JAM3: variants seen among roughly 807,000 people sequenced by gnomAD.
The protein encoded by JAM3 is junctional adhesion molecule C.
JAM3 carries 31 observed loss-of-function variants against 39.4 expected under a neutral mutation model. The observed-to-expected ratio is 0.79, with a 90% confidence interval of 0.59 to 1.06. The LOEUF is 1.06. JAM3 is among the 50% of genes least tolerant of loss of function. JAM3 has a pLI of 0.00. For missense variants in JAM3, 455 were observed against 391.4 expected (o/e 1.16, Z -1.37); for synonymous variants, 182 against 148.7 (o/e 1.22, Z -1.63).
intron 1 of JAM3, among the ~76,000 whole-genome samples, chr11:134,132,498 G>A (rs1006539062): frequency 9.2e-5 from 14 of 152,142 alleles, no homozygotes; most frequent in African/African-American, 2.9e-4. Context: ...TAAGATCTCC[G>A]ATAAAGCTAA....
intron 1 of JAM3, among the ~76,000 whole-genome samples, chr11:134,076,397 C>T (rs919027594): frequency 4.6e-5 from 7 of 151,948 alleles, no homozygotes; most frequent in South Asian, 4.2e-4. Flanking sequence ...TCAGGTGATC[C>T]GCCTGCCTCG....
intron 1 of JAM3, among the ~76,000 whole-genome samples, chr11:134,118,876 G>A (rs539884647): frequency 1.3e-5 from 2 of 151,866 alleles, no homozygotes; most frequent in Non-Finnish European, 2.9e-5. Flanking sequence ...CAGGTTAGCC[G>A]TTTCTTCGAA....
At chr11:134,145,698 A>G (rs1943058579) in intron 5 of JAM3, among the ~76,000 whole-genome samples, 1 of 152,214 alleles carries the variant, frequency 6.6e-6, no homozygotes, top group Non-Finnish European at 1.5e-5. Context: ...TTTTACCAGA[A>G]TAAAAGCAAG....
rs753941001 is a variant in JAM3 at position 134,145,948 on chromosome 11, G to A, written c.615G>A (p.Val205=). 1 of 1,607,998 alleles carries A rather than the reference G, an allele frequency of 6.2e-7. No individual in the cohort carries two copies. The highest frequency in any genetic ancestry group is 2.2e-5 in the East Asian group (1 of 44,854). The change falls in exon 6 of 9, where the codon GTG becomes GTA. Residue 205 remains valine (V), a splice_region_variant and synonymous_variant. Transcript: ENST00000299106. ...FHLNSETGTL[V]FTAVHKDDSG... is the part of the protein sequence containing the mutation. ...TTACTTGTCATTCCCTGAAACAGGT[G>A]TTCACTGCTGTTCACAAGGACGACT...
chr11:134,084,164 C>T (rs967141112), intron 1 of JAM3, among the ~76,000 whole-genome samples: 2 of 152,118 alleles, frequency 1.3e-5, no homozygotes, highest in African/African-American at 4.8e-5. Flanking sequence ...GTTATCATGG[C>T]CTGTCTACCT....
intron 1 of JAM3, among the ~76,000 whole-genome samples, chr11:134,131,844 GAAGA>G (rs780661470): frequency 8.5e-5 from 13 of 152,172 alleles, no homozygotes; most frequent in Non-Finnish European, 1.3e-4. Flanking sequence ...GATGCAGATA[GAAGA>G]AAGAACTAGC....
At chr11:134,134,189 C>T (rs890997245) in intron 1 of JAM3, among the ~76,000 whole-genome samples, 3 of 151,786 alleles carry the variant, frequency 2.0e-5, no homozygotes, top group African/African-American at 4.8e-5. Flanking sequence ...ACTGAAGGCA[C>T]AGAGAGAAAG....
At chr11:134,148,335 C>G in intron 6 of JAM3, 2 of 612,296 alleles carry the variant, frequency 3.3e-6, no homozygotes, top group South Asian at 3.9e-5. Context: ...GTAGAAGTCT[C>G]AGTACTTTTC....
chr11:134,130,323 A>G (rs1299420736), intron 1 of JAM3, among the ~76,000 whole-genome samples: 1 of 149,190 alleles, frequency 6.7e-6, no homozygotes, highest in East Asian at 2.0e-4. Context: ...GCCATTTGCT[A>G]TATTGTATTG....
In JAM3 at chr11:134,125,537, A is replaced by G. The variant is rs189308397; in HGVS notation, c.77-14314A>G. Among the ~76,000 whole-genome samples the G allele has an allele frequency of 9.9e-5, 15 of 152,284 alleles. No individual in the cohort carries two copies. The East Asian group carries it at 2.7e-3, about 27-fold the overall frequency. ...AGCAAGAAGTAGGGAGTAAGAGGCA[A>G]AACTCCCAGCTTCTGGTTTTTACTT... On this transcript the variant is annotated intron_variant, in intron 1 of 8. Coordinates refer to ENST00000299106, the MANE Select transcript of JAM3 (RefSeq NM_032801.5).
intron 1 of JAM3, among the ~76,000 whole-genome samples, chr11:134,106,179 C>A (rs542774694): frequency 6.6e-6 from 1 of 152,232 alleles, no homozygotes; most frequent in South Asian, 2.1e-4. Flanking sequence ...ACAGAGCCCT[C>A]AGAAATAATA....
At chr11:134,119,607 G>C (rs1048803855) in intron 1 of JAM3, among the ~76,000 whole-genome samples, 1 of 152,180 alleles carries the variant, frequency 6.6e-6, no homozygotes, top group Non-Finnish European at 1.5e-5. Context: ...CAGGAGAGTC[G>C]ACGATGCCAG....
At chr11:134,117,400 A>G (rs549073606) in intron 1 of JAM3, among the ~76,000 whole-genome samples, 1 of 151,864 alleles carries the variant, frequency 6.6e-6, no homozygotes, top group African/African-American at 2.4e-5. Context: ...AAACAATCCA[A>G]ATTGGCGGGG....
chr11:134,093,747 C>T (rs1182186346), intron 1 of JAM3, among the ~76,000 whole-genome samples: 1 of 103,636 alleles, frequency 9.6e-6, no homozygotes, highest in African/African-American at 3.8e-5. Context: ...CCTTATTCAT[C>T]ATGTTCCACC....
At chr11:134,070,032 A>G (rs1208234976) in intron 1 of JAM3, 1 of 361,750 alleles carries the variant, frequency 2.8e-6, no homozygotes, top group African/African-American at 2.1e-5. Flanking sequence ...TTAGATCCAC[A>G]TTTTCCTGGA....
chr11:134,141,460 G>GCT (rs1469567941), intron 3 of JAM3, among the ~76,000 whole-genome samples: 1 of 151,932 alleles, frequency 6.6e-6, no homozygotes, highest in Non-Finnish European at 1.5e-5. Flanking sequence ...GAGGAGAGGG[G>GCT]GGAGAGGGGC....
rs1162833182 is a variant in JAM3 at position 134,144,255 on chromosome 11, C to T, written c.271C>T (p.Arg91Cys). 6.2e-7 allele frequency: 1 copy of T among 1,614,082 alleles called. No homozygotes were observed. Among genetic ancestry groups the T allele is most frequent in the Non-Finnish European group, 8.5e-7 (1 of 1,180,026 alleles). ...CTTTTCTGTAGGAGACTTGGCGGGT[C>T]GTGCAGAAATACTGGGGAAGACATC... ...DNKIQGDLAGRAEILGKTSLK... is the reference protein window; with the variant it reads ...DNKIQGDLAGCAEILGKTSLK... The change falls in exon 4 of 9, where the codon CGT (arginine) becomes TGT (cysteine). Residue 91 changes from arginine (R) to cysteine (C), a missense_variant. By Grantham distance (180) the Arg-to-Cys change is radical. Transcript: ENST00000299106.
chr11:134,137,126 AAGAAG>A (rs1318650490), intron 1 of JAM3, among the ~76,000 whole-genome samples: 21 of 139,094 alleles, frequency 1.5e-4, no homozygotes, highest in Non-Finnish European at 2.2e-4. Context: ...AAAAAAAAAA[AAGAAG>A]AAGAAGTATA....
intron 1 of JAM3, among the ~76,000 whole-genome samples, chr11:134,109,401 C>T (rs545167142): frequency 2.6e-5 from 4 of 152,290 alleles, no homozygotes; most frequent in East Asian, 1.9e-4. Context: ...ACATTTATGT[C>T]AGGGATCAGC....
Sources: gnomAD v4.1 joint callset for allele counts (sites outside exome capture counted in the v4.1 genomes callset) on GRCh38, gnomAD v4.1.1 for gene constraint, MANE v1.5 for transcripts, NCBI Gene and HGNC (gene_info 2026-07-23, HGNC 2026-07-21) for gene names.